The following CIROZ variants were observed in gnomAD, a reference collection of about 807,000 sequenced individuals.
The protein encoded by CIROZ is ciliated left-right organizer protein containing ZP-N domains.
chr1:10,952,189 T>C, the CIROZ span, among the ~76,000 whole-genome samples: 15 of 151,942 alleles, frequency 9.9e-5, no homozygotes, highest in African/African-American at 2.9e-4. Flanking sequence ...ATAATAAGAA[T>C]AGAAAGACCT....
chr1:10,956,937 G>T, the CIROZ span: 1 of 1,192,838 alleles, frequency 8.4e-7, no homozygotes, highest in Non-Finnish European at 1.2e-6. Context: ...AGACAGAGGG[G>T]AATAAGGTGC....
At chr1:10,947,812 C>G in the CIROZ span, 1 of 1,599,700 alleles carries the variant, frequency 6.3e-7, no homozygotes, top group Non-Finnish European at 8.5e-7. Context: ...TCAAGCTCCA[C>G]CAGGCTGGGT....
chr1:10,976,247 C>A, the CIROZ span: 1 of 1,535,924 alleles, frequency 6.5e-7, no homozygotes. Flanking sequence ...CACAGGCAAG[C>A]CAGACGGCCC....
chr1:10,949,656 G>A, the CIROZ span: 1 of 1,607,386 alleles, frequency 6.2e-7, no homozygotes, highest in Non-Finnish European at 8.5e-7. Flanking sequence ...CGGTGCAGGA[G>A]GTCCCGAGAA....
At chr1:10,966,626 AAAAG>A in the CIROZ span, 3 of 975,516 alleles carry the variant, frequency 3.1e-6, no homozygotes, top group Non-Finnish European at 4.3e-6. Context: ...AGTAATTTTT[AAAAG>A]TCTGGAAAGG....
At chr1:10,949,583 T>C in the CIROZ span, 26 of 1,567,524 alleles carry the variant, frequency 1.7e-5, no homozygotes, top group Non-Finnish European at 2.2e-5. Flanking sequence ...ACCAGACTCT[T>C]TGGAGGAAAC....
the CIROZ span, chr1:10,966,291 C>G: frequency 1.4e-6 from 2 of 1,442,132 alleles, no homozygotes; most frequent in Non-Finnish European, 1.8e-6. Flanking sequence ...TACTTGATAT[C>G]TGAGCTCAGG....
chr1:10,961,296 G>A, the CIROZ span, among the ~76,000 whole-genome samples: 2 of 152,004 alleles, frequency 1.3e-5, no homozygotes, highest in African/African-American at 4.8e-5. Flanking sequence ...GGGCGGGGCC[G>A]GCCCCGCAAT....
the CIROZ span, among the ~76,000 whole-genome samples, chr1:10,974,453 G>A: frequency 5.3e-5 from 8 of 152,122 alleles, no homozygotes; most frequent in African/African-American, 1.7e-4. This position sits in a 1 kb window ranked among gnomAD's most constrained non-coding sequence, Gnocchi z 4.4. Flanking sequence ...AGAGACGTCC[G>A]AAAGACTTGC....
At chr1:10,948,547 A>C in the CIROZ span, 1 of 1,614,064 alleles carries the variant, frequency 6.2e-7, no homozygotes, top group Admixed American at 1.7e-5. Context: ...ACCAGAAGTG[A>C]TTCAGGTCGT....
chr1:10,972,104 A>G, the CIROZ span, among the ~76,000 whole-genome samples: 1 of 152,228 alleles, frequency 6.6e-6, no homozygotes, highest in Admixed American at 6.5e-5. Flanking sequence ...CAAGTACTCT[A>G]GTACAGAACA....
the CIROZ span, among the ~76,000 whole-genome samples, chr1:10,978,219 G>C: frequency 6.7e-6 from 1 of 149,572 alleles, no homozygotes; most frequent in Non-Finnish European, 1.5e-5. Flanking sequence ...TAATTTATTA[G>C]TATTTTTTTT....
At chr1:10,954,139 A>T in the CIROZ span, 15 of 1,612,104 alleles carry the variant, frequency 9.3e-6, no homozygotes, top group Non-Finnish European at 1.3e-5. Context: ...ACTTCTTGGC[A>T]TCGCTGTGGG....
chr1:10,962,733 T>C, the CIROZ span, among the ~76,000 whole-genome samples: 1 of 152,144 alleles, frequency 6.6e-6, no homozygotes, highest in East Asian at 1.9e-4. Flanking sequence ...GGGATCAATA[T>C]AGAACCAACT....
the CIROZ span, among the ~76,000 whole-genome samples, chr1:10,979,233 A>G: frequency 6.6e-6 from 1 of 152,038 alleles, no homozygotes; most frequent in Non-Finnish European, 1.5e-5. Context: ...GCTTCAAGTT[A>G]TTCGCCCACC....
chr1:10,957,497 C>A, the CIROZ span: 1 of 1,447,116 alleles, frequency 6.9e-7, no homozygotes, highest in Non-Finnish European at 9.2e-7. Context: ...CTGCCTAAAT[C>A]TGTCCAGTCT....
the CIROZ span, among the ~76,000 whole-genome samples, chr1:10,963,737 CAA>C: frequency 7.2e-6 from 1 of 138,424 alleles, no homozygotes. Context: ...TTACCCAGGT[CAA>C]AAAAAAAAAG....
At chr1:10,953,833 T>C in the CIROZ span, among the ~76,000 whole-genome samples, 2 of 152,216 alleles carry the variant, frequency 1.3e-5, no homozygotes, top group Non-Finnish European at 2.9e-5. Context: ...GTTCTCATGA[T>C]ACTGTTGTTC....
the CIROZ span, among the ~76,000 whole-genome samples, chr1:10,972,465 A>T: frequency 8.7e-5 from 13 of 148,828 alleles, no homozygotes; most frequent in African/African-American, 2.8e-4. Context: ...ACACACACAC[A>T]CTCTAGAATT....
Sources: allele counts gnomAD v4.1 joint callset (sites outside exome capture counted in the v4.1 genomes callset), GRCh38; gene constraint gnomAD v4.1.1; non-coding constraint Gnocchi (gnomAD v3.1); transcripts MANE v1.5; gene names NCBI Gene and HGNC (gene_info 2026-07-23, HGNC 2026-07-21).